The following FZD6 variants were observed in gnomAD, a reference collection of about 807,000 sequenced individuals.
FZD6 encodes the protein frizzled class receptor 6, also known as frizzled-6.
A neutral mutation model predicts 61.4 loss-of-function variants in FZD6; 49 were observed. The observed-to-expected ratio is 0.80, with a 90% CI of 0.63 to 1.01. The LOEUF is 1.01. Ranked by LOEUF, FZD6 falls within the 50% of genes least tolerant of loss-of-function variation. The probability of loss-of-function intolerance (pLI) is 0.00; values close to 1 mark genes in which losing one functional copy is unlikely to be tolerated. For synonymous variants in FZD6, 265 were observed against 292.2 expected (o/e 0.91, Z 0.95); for missense variants, 724 against 848.2 (o/e 0.85, Z 1.82).
chr8:103,312,175 G>A (rs1357355), intron 2 of FZD6, among the ~76,000 whole-genome samples: 2,521 of 152,200 alleles, frequency 0.017, 69 homozygotes, highest in African/African-American at 0.057. Flanking sequence ...GCTATTTCCA[G>A]GGATTTCTGC....
In FZD6 at chr8:103,329,013, T is replaced by TTATATATATATATATA. The variant is rs55730772; in HGVS notation, c.1541+601_1541+616dup. 9.7e-3 allele frequency among the ~76,000 whole-genome samples: 1,122 copies of TTATATATATATATATA among 115,138 alleles called. 28 individuals carry two copies. Among genetic ancestry groups the TTATATATATATATATA allele is most frequent in the East Asian group, 0.041 (134 of 3,284 alleles). The allele number at this position is 115,138 out of a possible 152,430, so 75.5% of individuals were successfully genotyped here. On this transcript the variant is annotated intron_variant, in intron 5 of 6. Coordinates refer to ENST00000358755, the MANE Select transcript of FZD6 (RefSeq NM_003506.4). Reference sequence around the variant, plus strand: ...TATTTATGAGTAATTCATTTTAGTTTTATATATATATATATATATGCACAC... The same window carrying TTATATATATATATATA: ...TATTTATGAGTAATTCATTTTAGTTTTATATATATATATATATATATATATATATATATATGCACAC...
chr8:103,300,775 A>G (rs1210629097), intron 2 of FZD6, among the ~76,000 whole-genome samples: 1 of 152,206 alleles, frequency 6.6e-6, no homozygotes, highest in African/African-American at 2.4e-5. Flanking sequence ...AGGCTATCAC[A>G]AAGTCACTAA....
At chr8:103,306,362 T>C (rs112475247) in intron 2 of FZD6, among the ~76,000 whole-genome samples, 3 of 152,190 alleles carry the variant, frequency 2.0e-5, no homozygotes, top group South Asian at 2.1e-4. Flanking sequence ...CAGTAGTCCA[T>C]TGACATTCTC....
intron 2 of FZD6, among the ~76,000 whole-genome samples, chr8:103,313,538 T>A (rs2130296891): frequency 6.6e-6 from 1 of 152,340 alleles, no homozygotes; most frequent in African/African-American, 2.4e-5. Context: ...TGCCTTTATT[T>A]ATTTAGTATA....
At chr8:103,327,154 G>C (rs896197224) in intron 4 of FZD6, among the ~76,000 whole-genome samples, 7 of 152,132 alleles carry the variant, frequency 4.6e-5, no homozygotes, top group African/African-American at 1.4e-4. Context: ...AGACAGATTT[G>C]CTTACAAATA....
chr8:103,330,118 A>AT (rs981998670), intron 6 of FZD6, 53 bp downstream of exon 6: 19 of 1,422,404 alleles, frequency 1.3e-5, no homozygotes, highest in Admixed American at 8.4e-5. Flanking sequence ...TGCATTACAC[A>AT]TTTTTTATTA....
Position 103,324,919 on chromosome 8 carries a change from C to A in FZD6, c.813C>A (p.Asp271Glu). 6.2e-7 allele frequency: 1 copy of A among 1,613,898 alleles called. No individual in the cohort carries two copies. The highest frequency in any genetic ancestry group is 8.5e-7 in the Non-Finnish European group (1 of 1,179,802). Residue 271 changes from aspartate (D) to glutamate (E), a missense_variant, in exon 4 of 7, where the codon GAC becomes GAA. Asp to Glu is a conservative substitution (Grantham distance 45). Transcript: ENST00000358755. ...CAGATGAGAAGCTAGAACTTGGTGA[C>A]ACTGTTGTCCTAGGCTCTCAAAATA... is the stretch of plus-strand genomic sequence containing the variant. ...NKADEKLELG[D>E]TVVLGSQNKA... is the part of the protein sequence containing the mutation.
chr8:103,313,314 G>A (rs560900972), intron 2 of FZD6, among the ~76,000 whole-genome samples: 1 of 152,298 alleles, frequency 6.6e-6, no homozygotes, highest in Admixed American at 6.5e-5. Context: ...CAGGAATAAA[G>A]ATACCTAACT....
Position 103,328,341 on chromosome 8 carries a change from C to T in FZD6, c.1466C>T (p.Ser489Phe). 6.2e-7 allele frequency: 1 copy of T among 1,611,406 alleles called. No individual in the cohort carries two copies. Among genetic ancestry groups the T allele is most frequent in the East Asian group, 2.2e-5 (1 of 44,802 alleles). Residue 489 changes from serine to phenylalanine, a missense_variant, in exon 5 of 7, where the codon TCT (serine) becomes TTT (phenylalanine). Coordinates refer to ENST00000358755, the MANE Select transcript of FZD6 (RefSeq NM_003506.4). ...CTGATGACATTAATTGTTGGCATCT[C>T]TGCTGTCTTCTGGGTTGGAAGCAAA... Reference protein sequence around the residue: ...KYLMTLIVGISAVFWVGSKKT... With the variant: ...KYLMTLIVGIFAVFWVGSKKT...
In FZD6 at chr8:103,325,269, C is replaced by A. The variant is rs142694816; in HGVS notation, c.1163C>A (p.Ala388Asp). Reference sequence around the variant, plus strand: ...TTTGTTGGGCTCTCTCTTCTTTTAGCTGGCATTATTTCCTTAAATCATGTT... The same window carrying A: ...TTTGTTGGGCTCTCTCTTCTTTTAGATGGCATTATTTCCTTAAATCATGTT... ...CVFVGLSLLL[A>D]GIISLNHVRQ... Residue 388 changes from alanine to aspartate, a missense_variant, in exon 4 of 7, where the codon GCT becomes GAT. Coordinates refer to ENST00000358755, the MANE Select transcript of FZD6 (RefSeq NM_003506.4). 277 of 1,614,114 alleles carry A rather than the reference C, an allele frequency of 1.7e-4. No homozygotes were observed. The highest frequency in any genetic ancestry group is 2.5e-4 in the Admixed American group (15 of 60,022).
chr8:103,326,335 T>A (rs1421541457), intron 4 of FZD6, among the ~76,000 whole-genome samples: 2 of 152,158 alleles, frequency 1.3e-5, no homozygotes, highest in Non-Finnish European at 2.9e-5. Context: ...CTAGTTTTAC[T>A]TGCCTTATAC....
intron 1 of FZD6, among the ~76,000 whole-genome samples, chr8:103,299,547 G>A (rs1192715193): frequency 5.9e-5 from 9 of 152,314 alleles, no homozygotes; most frequent in African/African-American, 2.2e-4. Flanking sequence ...TCTTTTACAA[G>A]TTTAAGAACT....
In FZD6 at chr8:103,331,626, A is replaced by G. The variant is rs1392883634; in HGVS notation, c.*117A>G. On this transcript the variant is annotated 3_prime_UTR_variant, in exon 7 of 7. Transcript: ENST00000358755. ...TTTTGCACTTAAAGTTGCATTGCCT[A>G]CTGTTATACTGGAAAAAATAGAGTT... is the stretch of plus-strand genomic sequence containing the variant. 2.7e-6 allele frequency: 2 copies of G among 737,830 alleles called. No homozygotes were observed. Among genetic ancestry groups the G allele is most frequent in the Non-Finnish European group, 4.8e-6 (2 of 412,586 alleles). 45.7% of individuals were successfully genotyped at this position (737,830 alleles called of 1,614,324 possible).
rs975054534 is a variant in FZD6 at position 103,298,899 on chromosome 8, G to C, written c.-249G>C. ...CCGTGCGGCTCTCGAGGCAGCTCCA[G>C]TCCCGGACGCAACCCCGGAGCCGTC... On this transcript the variant is annotated 5_prime_UTR_variant, in exon 1 of 7. Transcript: ENST00000358755. The C allele has an allele frequency of 6.5e-6, 1 of 153,778 alleles. No individual in the cohort carries two copies. Among genetic ancestry groups the C allele is most frequent in the Admixed American group, 6.5e-5 (1 of 15,276 alleles). The allele number at this position is 153,778 out of a possible 1,614,324, so 9.5% of individuals were successfully genotyped here.
chr8:103,301,655 C>T (rs1271494151), intron 2 of FZD6, among the ~76,000 whole-genome samples: 1 of 152,068 alleles, frequency 6.6e-6, no homozygotes, highest in Non-Finnish European at 1.5e-5. Flanking sequence ...ATCCGTCCTG[C>T]CTCAGCATCC....
chr8:103,331,379 C>A lies in FZD6; in HGVS notation c.1991C>A (p.Ala664Glu), dbSNP rs12549394. 6,015 of 1,612,490 alleles carry A rather than the reference C, an allele frequency of 3.7e-3. 222 individuals carry two copies. The Admixed American group carries it at 0.074, about 20-fold the overall frequency. The change falls in exon 7 of 7, where the codon GCA becomes GAA. Residue 664 changes from alanine (A) to glutamate (E), a missense_variant. Coordinates refer to ENST00000358755, the MANE Select transcript of FZD6 (RefSeq NM_003506.4). The stretch of plus-strand genomic sequence containing the variant: ...AGTGATATTACTGACACTGGCCTGG[C>A]ACAGAGCAACAATTTGCAGGTCCCC... ...PKSDITDTGL[A>E]QSNNLQVPSS...
In FZD6 at chr8:103,300,113, A is replaced by G. The variant is rs3736047; in HGVS notation, c.6A>G (p.Glu2=). The G allele has an allele frequency of 0.46, 718,639 of 1,568,568 alleles. 168,515 individuals carry two copies. Among genetic ancestry groups the G allele is most frequent in the East Asian group, 0.62 (27,601 of 44,618 alleles). M[E]MFTFLLTCIF... ...AAATCAGGAATTTGAAGAAAATGGA[A>G]ATGTTTACATTTTTGTTGACGTGTA... Residue 2 remains glutamate (E), a synonymous_variant, in exon 2 of 7, where the codon GAA becomes GAG. Transcript: ENST00000358755.
intron 6 of FZD6, among the ~76,000 whole-genome samples, chr8:103,330,299 T>TA (rs1214660957): frequency 2.0e-5 from 3 of 152,294 alleles, no homozygotes; most frequent in Non-Finnish European, 4.4e-5. Flanking sequence ...TGGCAATTGT[T>TA]AAGAGTTCCT....
chr8:103,300,986 C>T (rs1404625706), intron 2 of FZD6, among the ~76,000 whole-genome samples: 1 of 152,116 alleles, frequency 6.6e-6, no homozygotes, highest in East Asian at 1.9e-4. Flanking sequence ...CCTTCCCATA[C>T]AGATTTGTTA....
Sources: gnomAD v4.1 joint callset for allele counts (sites outside exome capture counted in the v4.1 genomes callset) on GRCh38, gnomAD v4.1.1 for gene constraint, MANE v1.5 for transcripts, NCBI Gene and HGNC (gene_info 2026-07-23, HGNC 2026-07-21) for gene names.